DSP: variants seen among roughly 807,000 people sequenced by gnomAD.
DSP encodes desmoplakin.
DSP carries 114 observed loss-of-function variants against 290.6 expected under a neutral mutation model. The observed-to-expected ratio is 0.39, with a 90% CI of 0.34 to 0.46. The LOEUF is 0.46. Among genes scored for constraint, DSP ranks in the 20% least tolerant of loss-of-function variants. The pLI, the probability that DSP is intolerant of heterozygous loss-of-function variation, is 0.99. For synonymous variants in DSP, 1,311 were observed against 1,316.4 expected (o/e 1.00, Z 0.09); for missense variants, 3,230 against 3,495.8 (o/e 0.92, Z 1.92).
In DSP at chr6:7,580,365, G is replaced by A. The variant is rs201736018; in HGVS notation, c.4175G>A (p.Arg1392Gln). The A allele has an allele frequency of 1.4e-4, 234 of 1,613,928 alleles. No individual in the cohort carries two copies. Among genetic ancestry groups the A allele is most frequent in the Middle Eastern group, 4.9e-4 (3 of 6,084 alleles). ...AAGGAAGAGGATACCAGTGGCTACC[G>A]GGCTCAGATAGACAATCTCACCCGA... The part of the protein sequence containing the change: ...MQKEEDTSGY[R>Q]AQIDNLTREN... Residue 1392 changes from arginine to glutamine, a missense_variant, in exon 23 of 24, where the codon CGG (arginine) becomes CAG (glutamine). Coordinates refer to ENST00000379802, the MANE Select transcript of DSP (RefSeq NM_004415.4). The surrounding 1 kb of genome is among the most constrained non-coding windows in gnomAD (Gnocchi z 4.2).
rs1759317112 is a variant in DSP at position 7,578,484 on chromosome 6, G to A, written c.3006G>A (p.Arg1002=). ...CCAAGGCTGCAGATGTTCATGCTCGGTACATTGAACTACTTACAAGATCTG... is the reference window on the plus strand; with the variant it reads ...CCAAGGCTGCAGATGTTCATGCTCGATACATTGAACTACTTACAAGATCTG... ...ILQEAADVHA[R]YIELLTRSGD... Residue 1002 remains arginine, a synonymous_variant, in exon 22 of 24, where the codon CGG becomes CGA. Transcript: ENST00000379802. 6.2e-7 allele frequency: 1 copy of A among 1,613,224 alleles called. No individual in the cohort carries two copies. The highest frequency in any genetic ancestry group is 8.5e-7 in the Non-Finnish European group (1 of 1,179,716).
intron 2 of DSP, 102 bp from the exon 3 acceptor site, chr6:7,558,013 GT>G: frequency 3.5e-6 from 5 of 1,420,236 alleles, no homozygotes; most frequent in Non-Finnish European, 5.0e-6. Flanking sequence ...GAAACTTACA[GT>G]TTTTGTCATG....
At chr6:7,578,818 T>C (rs1017892290) in intron 22 of DSP, among the ~76,000 whole-genome samples, 12 of 152,208 alleles carry the variant, frequency 7.9e-5, no homozygotes, top group African/African-American at 2.4e-4. Context: ...TAATGTTTGG[T>C]TAAGGAATTT....
intron 4 of DSP, 107 bp downstream of exon 4, chr6:7,559,507 C>T (rs910623161): frequency 5.7e-6 from 8 of 1,414,056 alleles, no homozygotes; most frequent in Middle Eastern, 2.5e-4. Context: ...CCTCAGGTGG[C>T]GGCAGCAGCT....
chr6:7,580,000 T>A lies in DSP; in HGVS notation c.3810T>A (p.Ala1270=). Residue 1270 remains alanine, a synonymous_variant, in exon 23 of 24, where the codon GCT becomes GCA. Transcript: ENST00000379802. This position sits in a 1 kb window ranked among gnomAD's most constrained non-coding sequence, Gnocchi z 4.1. ...AGGCCACTGAGCAGCGAAGGCGAGC[T>A]GAAGAAAACGCCCTTCAGCAAAAGG... is the stretch of plus-strand genomic sequence containing the variant. ...ILQATEQRRR[A]EENALQQKAC... 6.2e-7 allele frequency: 1 copy of A among 1,614,064 alleles called. No homozygotes were observed. The highest frequency in any genetic ancestry group is 8.5e-7 in the Non-Finnish European group (1 of 1,180,026).
In DSP at chr6:7,559,143, G is replaced by C. The variant is rs532209477; in HGVS notation, c.423-83G>C. On this transcript the variant is annotated intron_variant, in intron 3 of 23. Transcript: ENST00000379802. ...TTGTAGCTTCTCTATTGACACAAAA[G>C]ACTCAGAAAAGGGGAAATTTGCCCA... 4.0e-5 allele frequency: 60 copies of C among 1,491,222 alleles called. No individual in the cohort carries two copies. The African/African-American group carries it at 6.8e-4, about 17-fold the overall frequency. 92.4% of individuals were successfully genotyped at this position (1,491,222 alleles called of 1,614,324 possible).
At chr6:7,553,195 C>A (rs1758393676) in intron 1 of DSP, among the ~76,000 whole-genome samples, 1 of 152,058 alleles carries the variant, frequency 6.6e-6, no homozygotes, top group African/African-American at 2.4e-5. Context: ...GTCTTGAACT[C>A]CTGAGCTCAA....
At position 7,579,330 on chromosome 6, in the gene DSP, C is replaced by T. The variant is rs397516931; in HGVS notation, c.3140C>T (p.Ala1047Val). The T allele has an allele frequency of 4.3e-6, 7 of 1,614,108 alleles. No individual in the cohort carries two copies. Among genetic ancestry groups the T allele is most frequent in the Non-Finnish European group, 5.1e-6 (6 of 1,180,032 alleles). Residue 1047 changes from alanine (A) to valine (V), a missense_variant, in exon 23 of 24, where the codon GCC (alanine) becomes GTC (valine). By Grantham distance (64) the Ala-to-Val change is moderately conservative. Around this residue, in one of 5 missense-constraint regions of DSP, gnomAD observed 1,714 missense variants for 1,844.5 expected, o/e 0.93. Transcript: ENST00000379802. This position sits in a 1 kb window ranked among gnomAD's most constrained non-coding sequence, Gnocchi z 4.1. The part of the protein sequence containing the change: ...LEEELRLARD[A>V]NSENCNKNKF... ...GAGGAGCTCAGACTGGCCCGAGATG[C>T]CAACTCGGAAAACTGTAATAAGAAC... is the stretch of plus-strand genomic sequence containing the variant.
At position 7,579,212 on chromosome 6, in the gene DSP, C is replaced by T. The variant is rs1759337857; in HGVS notation, c.3085-63C>T. 6 of 1,595,436 alleles carry T rather than the reference C, an allele frequency of 3.8e-6. No homozygotes were observed. The highest frequency in any genetic ancestry group is 3.4e-5 in the South Asian group (3 of 88,624). On this transcript the variant is annotated intron_variant, in intron 22 of 23. Transcript: ENST00000379802. This position sits in a 1 kb window ranked among gnomAD's most constrained non-coding sequence, Gnocchi z 4.1. ...ACATTGGTCTGGGAGGGGAAAAGTA[C>T]TGCTTCTTTCTTGGAATGTGAGGTG...
At chr6:7,577,957 C>T in intron 21 of DSP, 71 bp downstream of exon 21, 1 of 1,202,862 alleles carries the variant, frequency 8.3e-7, no homozygotes, top group South Asian at 1.2e-5. Flanking sequence ...CTGTCTCCTG[C>T]CTCTTCCCTT....
At chr6:7,547,777 T>A (rs2113640765) in intron 1 of DSP, among the ~76,000 whole-genome samples, 1 of 152,268 alleles carries the variant, frequency 6.6e-6, no homozygotes, top group South Asian at 2.1e-4. Flanking sequence ...TTCATGCTGC[T>A]AAAGTGTATC....
chr6:7,585,755 G>GGGATCTCGCTCC lies in DSP; in HGVS notation c.8508_8519dup (p.Ser2843_Arg2846dup), dbSNP rs397516971. 3.9e-5 allele frequency: 63 copies of GGGATCTCGCTCC among 1,609,456 alleles called. No individual in the cohort carries two copies. Among genetic ancestry groups the GGGATCTCGCTCC allele is most frequent in the Middle Eastern group, 1.7e-4 (1 of 6,050 alleles). On this transcript the variant is annotated inframe_insertion, in exon 24 of 24. Coordinates refer to ENST00000379802, the MANE Select transcript of DSP (RefSeq NM_004415.4). The stretch of plus-strand genomic sequence containing the variant: ...CGGGGTCCCGCTCCGGCTCCCGCTC[G>GGGATCTCGCTCC]GGATCTCGCTCCGGATCTCGCTCCG...
At position 7,563,732 on chromosome 6, in the gene DSP, C is replaced by A; in HGVS notation, c.727-4C>A. On this transcript the variant is annotated splice_polypyrimidine_tract_variant and splice_region_variant and intron_variant, in intron 5 of 23. Coordinates refer to ENST00000379802, the MANE Select transcript of DSP (RefSeq NM_004415.4). The stretch of plus-strand genomic sequence containing the variant: ...ATATCTACCTGCTTTTTGTTGTCTT[C>A]TAGCGCGAGAAATCTGCGATCTACC... The A allele has an allele frequency of 6.2e-7, 1 of 1,613,014 alleles. No individual in the cohort carries two copies. Among genetic ancestry groups the A allele is most frequent in the South Asian group, 1.1e-5 (1 of 91,064 alleles).
At position 7,579,800 on chromosome 6, in the gene DSP, A is replaced by C; in HGVS notation, c.3610A>C (p.Ser1204Arg). 1 of 1,614,110 alleles carries C rather than the reference A, an allele frequency of 6.2e-7. No homozygotes were observed. The highest frequency in any genetic ancestry group is 8.5e-7 in the Non-Finnish European group (1 of 1,180,002). ...KVRNHYNEEM[S>R]NLRNKYETEI... The stretch of plus-strand genomic sequence containing the variant: ...AAGAAACCACTATAATGAGGAGATG[A>C]GTAATTTAAGGAACAAGTATGAAAC... Residue 1204 changes from serine to arginine, a missense_variant, in exon 23 of 24, where the codon AGT (serine) becomes CGT (arginine). By Grantham distance (110) the Ser-to-Arg change is moderately radical. Around this residue, in one of 5 missense-constraint regions of DSP, gnomAD observed 1,714 missense variants for 1,844.5 expected, o/e 0.93. Transcript: ENST00000379802. The surrounding 1 kb of genome is among the most constrained non-coding windows in gnomAD (Gnocchi z 4.1).
At chr6:7,551,219 A>G (rs906398026) in intron 1 of DSP, among the ~76,000 whole-genome samples, 3 of 152,212 alleles carry the variant, frequency 2.0e-5, no homozygotes, top group African/African-American at 7.2e-5. Context: ...CATTTAGCCC[A>G]ACAGATGGAG....
Position 7,584,757 on chromosome 6 carries a change from C to T in DSP, c.7495C>T (p.Gln2499Ter). 1 of 1,614,142 alleles carries T rather than the reference C, an allele frequency of 6.2e-7. No homozygotes were observed. Among genetic ancestry groups the T allele is most frequent in the Non-Finnish European group, 8.5e-7 (1 of 1,180,036 alleles). ...TGAAACCTTCAAAGAACTGTGTGAG[C>T]AGGAATGTGAATGGGAAGAAATAAC... ...DYETFKELCE[Q>*]ECEWEEITIT... Residue 2499 changes from glutamine to a stop codon, truncating the protein, a stop_gained, in exon 24 of 24, where the codon CAG (glutamine) becomes TAG (stop). Coordinates refer to ENST00000379802, the MANE Select transcript of DSP (RefSeq NM_004415.4). LOFTEE classifies it high-confidence loss of function. This position sits in a 1 kb window ranked among gnomAD's most constrained non-coding sequence, Gnocchi z 6.4.
chr6:7,572,676 C>G (rs1257950161), intron 15 of DSP, among the ~76,000 whole-genome samples: 1 of 152,224 alleles, frequency 6.6e-6, no homozygotes, highest in African/African-American at 2.4e-5. Flanking sequence ...AAGATTCACA[C>G]AGCTACAATG....
Position 7,580,257 on chromosome 6 carries a change from A to T in DSP, c.4067A>T (p.Asp1356Val), listed in dbSNP as rs1759381966. The T allele has an allele frequency of 6.2e-7, 1 of 1,614,040 alleles. No homozygotes were observed. Among genetic ancestry groups the T allele is most frequent in the Non-Finnish European group, 8.5e-7 (1 of 1,180,022 alleles). ...CTGAGTAAGGTAAGAAACAATTATGATGAGGAGATCATTAGCTTAAAAAAT... is the reference window on the plus strand; with the variant it reads ...CTGAGTAAGGTAAGAAACAATTATGTTGAGGAGATCATTAGCTTAAAAAAT... The part of the protein sequence containing the change: ...NELSKVRNNY[D>V]EEIISLKNQF... Residue 1356 changes from aspartate to valine, a missense_variant, in exon 23 of 24, where the codon GAT (aspartate) becomes GTT (valine). Asp to Val is a radical substitution (Grantham distance 152). Coordinates refer to ENST00000379802, the MANE Select transcript of DSP (RefSeq NM_004415.4). The surrounding 1 kb of genome is among the most constrained non-coding windows in gnomAD (Gnocchi z 4.2).
At position 7,574,169 on chromosome 6, in the gene DSP, G is replaced by A; in HGVS notation, c.2214G>A (p.Lys738=). 6.2e-7 allele frequency: 1 copy of A among 1,614,012 alleles called. No individual in the cohort carries two copies. Among genetic ancestry groups the A allele is most frequent in the Non-Finnish European group, 8.5e-7 (1 of 1,179,898 alleles). The part of the protein sequence containing the change: ...DMLANFRGSE[K]YCYLQNEVFG... ...TTGCCAACTTCAGAGGTTCTGAAAA[G>A]TACTGCTATTTACAGAATGAAGTAT... The change falls in exon 16 of 24, where the codon AAG becomes AAA. Residue 738 remains lysine, a synonymous_variant. Transcript: ENST00000379802.
Sources: gnomAD v4.1 joint callset for allele counts (sites outside exome capture counted in the v4.1 genomes callset) on GRCh38, gnomAD v4.1.1 for gene constraint, gnomAD v4.1.1 regional missense constraint, Gnocchi (gnomAD v3.1) non-coding constraint, MANE v1.5 for transcripts, NCBI Gene and HGNC (gene_info 2026-07-23, HGNC 2026-07-21) for gene names.